PIK3R3: variants seen among roughly 807,000 people sequenced by gnomAD.
PIK3R3 encodes the protein phosphoinositide-3-kinase regulatory subunit 3, also known as phosphatidylinositol 3-kinase regulatory subunit gamma.
Under a neutral mutation model 62.9 loss-of-function variants are expected in PIK3R3, and 64 were observed. The observed-to-expected ratio is 1.02, with a 90% CI of 0.83 to 1.25. PIK3R3 has a LOEUF of 1.25. Among genes scored for constraint, PIK3R3 ranks in the 50% most tolerant of loss-of-function variants. The pLI is 0.00. For missense variants in PIK3R3, 614 were observed against 561.6 expected (o/e 1.09, Z -0.94); for synonymous variants, 165 against 189.0 (o/e 0.87, Z 1.04).
rs375004116 is a variant in PIK3R3, at chr1:46,066,913, G to T, written c.493C>A (p.Gln165Lys). The change falls in exon 4 of 10, where the codon CAG becomes AAG. Residue 165 changes from glutamine (Q) to lysine (K), a missense_variant and splice_region_variant. Transcript: ENST00000262741. ...KLMYPVSRYQ[Q>K]DQLVKEDNID... ...AGCAAGGATTTCCATAATCATACCT[G>T]TTGGTATCTGGACACTGGGTACATC... 4 of 1,609,046 alleles carry T rather than the reference G, an allele frequency of 2.5e-6. No homozygotes were observed. The highest frequency in any genetic ancestry group is 1.7e-5 in the Admixed American group (1 of 59,972).
chr1:46,099,033 T>C lies in PIK3R3; in HGVS notation c.107-18283A>G, dbSNP rs550248422. On this transcript the variant is annotated intron_variant, in intron 1 of 9. Coordinates refer to ENST00000262741, the MANE Select transcript of PIK3R3 (RefSeq NM_003629.4). ...CTCTTGATGGTTACAGGACTTCTTTTGGGGTGATAAGAATGTTCTGGAATA... is the reference window on the plus strand; with the variant it reads ...CTCTTGATGGTTACAGGACTTCTTTCGGGGTGATAAGAATGTTCTGGAATA... 8.5e-5 allele frequency among the ~76,000 whole-genome samples: 13 copies of C among 152,254 alleles called. No individual in the cohort carries two copies. In the South Asian group the frequency reaches 2.5e-3, roughly 29 times the overall value.
chr1:46,144,603 A>C, the PIK3R3 span, among the ~76,000 whole-genome samples: 1 of 152,058 alleles, frequency 6.6e-6, no homozygotes, highest in Non-Finnish European at 1.5e-5. Context: ...CCCTGTCTCT[A>C]CTAAGAATAC....
chr1:46,058,575 G>A (rs562229239), intron 6 of PIK3R3, among the ~76,000 whole-genome samples: 1 of 152,344 alleles, frequency 6.6e-6, no homozygotes, highest in Admixed American at 6.5e-5. Flanking sequence ...AGCATGTCCT[G>A]GATGTGAGAC....
chr1:46,146,270 A>G, the PIK3R3 span, among the ~76,000 whole-genome samples: 8 of 152,144 alleles, frequency 5.3e-5, no homozygotes, highest in Admixed American at 2.0e-4. Flanking sequence ...ATGCTGACCA[A>G]ATGTGACAGA....
chr1:46,126,309 G>A (rs185872426), intron 1 of PIK3R3, among the ~76,000 whole-genome samples: 10 of 150,996 alleles, frequency 6.6e-5, no homozygotes, highest in Non-Finnish European at 8.9e-5. Context: ...AGGCCGACTC[G>A]GGTGGATCAT....
the PIK3R3 span, among the ~76,000 whole-genome samples, chr1:46,166,791 G>C: frequency 6.6e-6 from 1 of 152,210 alleles, no homozygotes; most frequent in African/African-American, 2.4e-5. Flanking sequence ...AGACAATGGA[G>C]CCGCTTTCCG....
In PIK3R3 at chr1:46,055,830, C is replaced by CATTAAAAA; in HGVS notation, c.905_906insTTTTTAAT (p.Ile303PhefsTer2). The CATTAAAAA allele has an allele frequency of 2.0e-6, 3 of 1,514,976 alleles. No homozygotes were observed. The highest frequency in any genetic ancestry group is 2.5e-5 in the East Asian group (1 of 40,332). The allele number at this position is 1,514,976 out of a possible 1,614,324, so 93.8% of individuals were successfully genotyped here. Reference sequence around the variant, plus strand: ...GATCTCGGATCTTTCGCAGCTGGATCAGGTCAGGTTTGATGCTATTCATTT... The same window carrying CATTAAAAA: ...GATCTCGGATCTTTCGCAGCTGGATCATTAAAAAAGGTCAGGTTTGATGCTATTCATTT... On this transcript the variant is annotated stop_gained and frameshift_variant, in exon 7 of 10. Coordinates refer to ENST00000262741, the MANE Select transcript of PIK3R3 (RefSeq NM_003629.4). LOFTEE classifies it high-confidence loss of function.
chr1:46,083,858 G>C (rs963237234), intron 1 of PIK3R3, among the ~76,000 whole-genome samples: 3 of 152,136 alleles, frequency 2.0e-5, no homozygotes, highest in African/African-American at 7.2e-5. Context: ...CTGCTGCTTG[G>C]AAAACAGTCT....
chr1:46,075,442 C>A (rs1383075732), intron 3 of PIK3R3, among the ~76,000 whole-genome samples: 1 of 152,040 alleles, frequency 6.6e-6, no homozygotes, highest in Non-Finnish European at 1.5e-5. Flanking sequence ...CAGGGAGACT[C>A]CATCTCTACA....
rs1233591180 is a variant in PIK3R3 at position 46,043,851 on chromosome 1, T to G, written c.1208A>C (p.His403Pro). 6.2e-7 allele frequency: 1 copy of G among 1,613,770 alleles called. No homozygotes were observed. Among genetic ancestry groups the G allele is most frequent in the Admixed American group, 1.7e-5 (1 of 59,960 alleles). Reference sequence around the variant, plus strand: ...CCGAGCAGTGCTGTAGATCACACAGTGCTTCACTTCCCCATCGGCCCTGCA... The same window carrying G: ...CCGAGCAGTGCTGTAGATCACACAGGGCTTCACTTCCCCATCGGCCCTGCA... ...CSVVADGEVKHCVIYSTARGY... is the reference protein window; with the variant it reads ...CSVVADGEVKPCVIYSTARGY... Residue 403 changes from histidine (H) to proline (P), a missense_variant, in exon 10 of 10, where the codon CAC (histidine) becomes CCC (proline). His to Pro is a moderately conservative substitution (Grantham distance 77, BLOSUM62 -2). Coordinates refer to ENST00000262741, the MANE Select transcript of PIK3R3 (RefSeq NM_003629.4).
In PIK3R3 at chr1:46,132,134, G is replaced by T; in HGVS notation, c.-182C>A. The T allele has an allele frequency of 7.2e-7, 1 of 1,386,472 alleles. No homozygotes were observed. Among genetic ancestry groups the T allele is most frequent in the Non-Finnish European group, 9.3e-7 (1 of 1,072,224 alleles). The allele number at this position is 1,386,472 out of a possible 1,614,324, so 85.9% of individuals were successfully genotyped here. A position where few individuals can be genotyped will look rare whatever the true frequency, so the allele number is the denominator to read the frequency against. On this transcript the variant is annotated 5_prime_UTR_variant, in exon 1 of 10. It adds an upstream start codon to the 5' untranslated region. Coordinates refer to ENST00000262741, the MANE Select transcript of PIK3R3 (RefSeq NM_003629.4). ...CAGGGTCCTCCCCCTCTCTCCTACA[G>T]AACACAACAAAATGCCCCCGAACTT...
chr1:46,136,612 G>T (rs932752143), upstream of PIK3R3, among the ~76,000 whole-genome samples: 4 of 152,122 alleles, frequency 2.6e-5, no homozygotes, highest in African/African-American at 9.7e-5. Context: ...CATTAAAGTG[G>T]CATTCCCCTA....
At chr1:46,152,004 G>C in the PIK3R3 span, among the ~76,000 whole-genome samples, 1 of 152,204 alleles carries the variant, frequency 6.6e-6, no homozygotes, top group Non-Finnish European at 1.5e-5. Flanking sequence ...TCCTGGAACA[G>C]CACTAAAACT....
In PIK3R3 at chr1:46,054,349, T is replaced by G. The variant is rs145951479; in HGVS notation, c.941+1446A>C. ...GTGGAGGTTGCAGTGGGAGCTGAGA[T>G]TGTGCCATTGCACTCCAGCCTGGGT... On this transcript the variant is annotated intron_variant, in intron 7 of 9. Coordinates refer to ENST00000262741, the MANE Select transcript of PIK3R3 (RefSeq NM_003629.4). Among the ~76,000 whole-genome samples, 813 of 140,624 alleles carry G rather than the reference T, an allele frequency of 5.8e-3. 4 individuals carry two copies. Among genetic ancestry groups the G allele is most frequent in the African/African-American group, 7.9e-3 (297 of 37,604 alleles). 92.3% of individuals were successfully genotyped at this position (140,624 alleles called of 152,430 possible).
In PIK3R3 at chr1:46,132,306, G is replaced by C; in HGVS notation, c.-354C>G. The C allele has an allele frequency of 9.0e-7, 1 of 1,108,232 alleles. No homozygotes were observed. Among genetic ancestry groups the C allele is most frequent in the Non-Finnish European group, 1.1e-6 (1 of 902,698 alleles). 68.6% of individuals were successfully genotyped at this position (1,108,232 alleles called of 1,614,324 possible). A position where few individuals can be genotyped will look rare whatever the true frequency, so the allele number is the denominator to read the frequency against. ...TCCCACCGCCTCCAAATCTTTCCGC[G>C]GAAGCCACTTTTGTGTCCTTCGAAG... On this transcript the variant is annotated 5_prime_UTR_variant, in exon 1 of 10. Coordinates refer to ENST00000262741, the MANE Select transcript of PIK3R3 (RefSeq NM_003629.4).
At chr1:46,108,975 C>T (rs764697254) in intron 1 of PIK3R3, among the ~76,000 whole-genome samples, 2 of 152,108 alleles carry the variant, frequency 1.3e-5, no homozygotes, top group Admixed American at 6.5e-5. Flanking sequence ...CTGGCTAACA[C>T]GGTGAAACCG....
chr1:46,064,178 A>G (rs1648778817), intron 5 of PIK3R3, among the ~76,000 whole-genome samples: 1 of 151,778 alleles, frequency 6.6e-6, no homozygotes, highest in African/African-American at 2.4e-5. Context: ...GTGCCACTAC[A>G]CTCCAGCCTG....
intron 1 of PIK3R3, among the ~76,000 whole-genome samples, chr1:46,097,714 C>A (rs982918787): frequency 3.3e-5 from 5 of 151,768 alleles, no homozygotes; most frequent in African/African-American, 4.8e-5. Context: ...ATGGTGAAAC[C>A]CCGTCTTTAC....
At chr1:46,109,090 T>G (rs1243825099) in intron 1 of PIK3R3, among the ~76,000 whole-genome samples, 1 of 146,682 alleles carries the variant, frequency 6.8e-6, no homozygotes, top group African/African-American at 2.6e-5. Flanking sequence ...ACCCGGGAGG[T>G]GGAGCTTGCA....
Sources: allele counts gnomAD v4.1 joint callset (sites outside exome capture counted in the v4.1 genomes callset), GRCh38; gene constraint gnomAD v4.1.1; transcripts MANE v1.5; gene names NCBI Gene and HGNC (gene_info 2026-07-23, HGNC 2026-07-21).